NAV3: variants seen among roughly 807,000 people sequenced by gnomAD.
NAV3 encodes the protein pore membrane and/or filament interacting like protein 1.
In NAV3, 87 loss-of-function variants were observed where a neutral mutation model predicts 244.7. The ratio of observed to expected loss-of-function variants is 0.36; its 90% CI spans 0.30 to 0.42. NAV3 has a LOEUF of 0.42. NAV3 is among the 20% of genes least tolerant of loss of function. NAV3 has a pLI of 1.00. For synonymous variants in NAV3, 1,126 were observed against 1,042.2 expected (o/e 1.08, Z -1.55); for missense variants, 2,663 against 2,893.3 (o/e 0.92, Z 1.83).
intron 2 of NAV3, among the ~76,000 whole-genome samples, chr12:77,688,940 G>A (rs1874881766): frequency 6.6e-6 from 1 of 151,866 alleles, no homozygotes; most frequent in African/African-American, 2.4e-5. Context: ...TTTTCAGATG[G>A]CCAAATTTAC....
chr12:77,949,726 T>C (rs1187610017), intron 3 of NAV3, among the ~76,000 whole-genome samples: 1 of 152,028 alleles, frequency 6.6e-6, no homozygotes, highest in Non-Finnish European at 1.5e-5. Context: ...CCATGATTCA[T>C]ATTAAAGTTT....
chr12:77,763,659 C>G (rs181602814), intron 2 of NAV3, among the ~76,000 whole-genome samples: 46 of 152,286 alleles, frequency 3.0e-4, no homozygotes, highest in African/African-American at 1.1e-3. Flanking sequence ...TTGTGTAGTT[C>G]TCTGAAGGAA....
At chr12:77,722,217 C>T (rs552465521) in intron 2 of NAV3, among the ~76,000 whole-genome samples, 24 of 152,050 alleles carry the variant, frequency 1.6e-4, no homozygotes, top group Non-Finnish European at 3.4e-4. Flanking sequence ...TGAATTCAAT[C>T]GTGTTTGGTA....
intron 1 of NAV3, among the ~76,000 whole-genome samples, chr12:77,883,155 T>C (rs545506408): frequency 6.6e-6 from 1 of 152,284 alleles, no homozygotes; most frequent in South Asian, 2.1e-4. Context: ...ATCCCCATGC[T>C]GTTCACAATA....
chr12:77,844,050 T>G (rs1184554755), intron 1 of NAV3, among the ~76,000 whole-genome samples: 2 of 152,200 alleles, frequency 1.3e-5, no homozygotes, highest in African/African-American at 4.8e-5. Context: ...TAAGATTAAG[T>G]GAGTAATGTT....
chr12:77,670,125 A>G (rs996758568), intron 2 of NAV3, among the ~76,000 whole-genome samples: 1 of 152,136 alleles, frequency 6.6e-6, no homozygotes, highest in Non-Finnish European at 1.5e-5. Flanking sequence ...TACAATTGAT[A>G]CCACAGAAAT....
chr12:77,907,740 G>T (rs1431511947), intron 1 of NAV3, among the ~76,000 whole-genome samples: 2 of 152,150 alleles, frequency 1.3e-5, no homozygotes, highest in African/African-American at 4.8e-5. Flanking sequence ...AGTTAAGAAA[G>T]CTAAGACTCC....
chr12:77,873,727 A>T (rs1321246951), intron 1 of NAV3, among the ~76,000 whole-genome samples: 10 of 67,684 alleles, frequency 1.5e-4, no homozygotes, highest in Non-Finnish European at 2.6e-4. Flanking sequence ...TGCTTATCTA[A>T]ATACATATGT....
intron 2 of NAV3, among the ~76,000 whole-genome samples, chr12:77,721,522 A>G (rs950671757): frequency 1.3e-5 from 2 of 152,194 alleles, no homozygotes; most frequent in African/African-American, 4.8e-5. Flanking sequence ...TTACTTATAT[A>G]AATGTTTTAC....
chr12:77,932,737 A>C (rs1205948334), intron 1 of NAV3, among the ~76,000 whole-genome samples: 1 of 152,182 alleles, frequency 6.6e-6, no homozygotes, highest in Non-Finnish European at 1.5e-5. Flanking sequence ...CATGAAAATA[A>C]ACTTTCACCT....
At chr12:78,098,827 T>G (rs34414611) in intron 12 of NAV3, among the ~76,000 whole-genome samples, 4,521 of 151,844 alleles carry the variant, frequency 0.03, 98 homozygotes, top group Middle Eastern at 0.072. Context: ...GCTAAGTAAG[T>G]TATAGAAAAA....
chr12:77,843,737 G>A (rs996388171), intron 1 of NAV3, among the ~76,000 whole-genome samples: 1 of 151,520 alleles, frequency 6.6e-6, no homozygotes. Context: ...TAATTGTGAC[G>A]ATCAAAAATA....
intron 2 of NAV3, among the ~76,000 whole-genome samples, chr12:77,628,687 C>G (rs890557578): frequency 6.6e-6 from 1 of 151,762 alleles, no homozygotes; most frequent in African/African-American, 2.4e-5. Flanking sequence ...AGTTGGAGAT[C>G]AGCCTGGGCA....
chr12:78,185,812 G>A (rs1227791414), intron 31 of NAV3, 114 bp downstream of exon 31: 4 of 847,340 alleles, frequency 4.7e-6, no homozygotes, highest in Non-Finnish European at 7.3e-6. Context: ...TTGTGGATTG[G>A]CATTAGCTTA....
At position 77,714,054 on chromosome 12, in the gene NAV3, T is replaced by G. The variant is rs373998371; in HGVS notation, c.72+141788T>G. ...TGCAGATCTATATATTTTCTTAGCTTCTTCTGGGAATATAGAATAATATTA... is the reference window on the plus strand; with the variant it reads ...TGCAGATCTATATATTTTCTTAGCTGCTTCTGGGAATATAGAATAATATTA... On this transcript the variant is annotated intron_variant, in intron 2 of 8. Coordinates refer to the NAV3 transcript ENST00000550042. 3.9e-5 allele frequency among the ~76,000 whole-genome samples: 6 copies of G among 152,156 alleles called. No homozygotes were observed. The East Asian group carries it at 1.2e-3, about 29-fold the overall frequency.
chr12:77,881,860 G>A (rs1246679526), intron 1 of NAV3, among the ~76,000 whole-genome samples: 1 of 152,008 alleles, frequency 6.6e-6, no homozygotes, highest in Non-Finnish European at 1.5e-5. Context: ...TAAGAATACA[G>A]CTAACCAAGG....
chr12:78,173,842 A>G (rs1246192944), intron 24 of NAV3, among the ~76,000 whole-genome samples: 10 of 151,636 alleles, frequency 6.6e-5, no homozygotes, highest in Admixed American at 5.9e-4. Context: ...ATGTATATGA[A>G]GGTGAGGATA....
Position 78,210,694 on chromosome 12 carries a change from TG to T in NAV3, c.*179del, listed in dbSNP as rs754910274. 1.1e-5 allele frequency: 7 copies of T among 665,310 alleles called. No homozygotes were observed. Among genetic ancestry groups the T allele is most frequent in the South Asian group, 1.0e-4 (5 of 48,618 alleles). The allele number at this position is 665,310 out of a possible 1,614,324, so 41.2% of individuals were successfully genotyped here. A position where few individuals can be genotyped will look rare whatever the true frequency, so the allele number is the denominator to read the frequency against. On this transcript the variant is annotated 3_prime_UTR_variant, in exon 40 of 40. Transcript: ENST00000397909. Reference sequence around the variant, plus strand: ...GAACCGCCAAGATGCTAAATTGCAATGGAAGCTTAACTTTAGTTTATTTCTA... The same window carrying T: ...GAACCGCCAAGATGCTAAATTGCAATGAAGCTTAACTTTAGTTTATTTCTA...
chr12:77,766,567 AG>A (rs1474175358), intron 2 of NAV3, among the ~76,000 whole-genome samples: 1 of 152,100 alleles, frequency 6.6e-6, no homozygotes, highest in African/African-American at 2.4e-5. Context: ...ATGTATTGAT[AG>A]ATTTGTATTG....
Sources: gnomAD v4.1 joint callset for allele counts (sites outside exome capture counted in the v4.1 genomes callset) on GRCh38, gnomAD v4.1.1 for gene constraint, MANE v1.5 for transcripts, NCBI Gene and HGNC (gene_info 2026-07-23, HGNC 2026-07-21) for gene names.